Variants in MACF1 observed in about 807,000 individuals in gnomAD.
MACF1 encodes the protein microtubule-actin cross-linking factor 1.
Under a neutral mutation model 854.8 loss-of-function variants are expected in MACF1, and 193 were observed. That is an observed-to-expected ratio of 0.23 (90% CI 0.20 to 0.25). The LOEUF is 0.25. Ranked by LOEUF, MACF1 falls within the 10% of genes least tolerant of loss-of-function variation. The probability of loss-of-function intolerance (pLI) is 1.00; values close to 1 mark genes in which losing one functional copy is unlikely to be tolerated. For missense variants in MACF1, 7,722 were observed against 8,929.1 expected (o/e 0.86, Z 5.45); for synonymous variants, 3,185 against 3,226.7 (o/e 0.99, Z 0.44).
At chr1:39,402,193 A>G (rs1271421160) in intron 58 of MACF1, among the ~76,000 whole-genome samples, 1 of 152,226 alleles carries the variant, frequency 6.6e-6, no homozygotes, top group African/African-American at 2.4e-5. Flanking sequence ...CCTGGGTGAC[A>G]GAGTGAGACT....
intron 2 of MACF1, among the ~76,000 whole-genome samples, chr1:39,168,287 G>C (rs186400040): frequency 6.6e-6 from 1 of 152,194 alleles, no homozygotes; most frequent in Non-Finnish European, 1.5e-5. Context: ...ATCCCTGCCT[G>C]TTTAAAATAT....
At chr1:39,463,765 A>G (rs973943855) in intron 94 of MACF1, 79 bp downstream of exon 94, 3 of 1,245,682 alleles carry the variant, frequency 2.4e-6, no homozygotes, top group Non-Finnish European at 3.5e-6. Context: ...CCTGATGCTT[A>G]GAGGCCCAGA....
chr1:39,273,130 A>C (rs1157524609), intron 6 of MACF1, among the ~76,000 whole-genome samples: 2 of 139,266 alleles, frequency 1.4e-5, no homozygotes, highest in African/African-American at 2.7e-5. Context: ...CCTCTATACC[A>C]ATTTTTTTTT....
chr1:39,260,227 C>T (rs1185648306), intron 6 of MACF1, among the ~76,000 whole-genome samples: 1 of 152,178 alleles, frequency 6.6e-6, no homozygotes, highest in African/African-American at 2.4e-5. Context: ...ATTTCTTGTG[C>T]GATGAGGTAT....
intron 59 of MACF1, 41 bp from the exon 60 acceptor site, chr1:39,422,689 T>C (rs770975975): frequency 1.3e-6 from 2 of 1,592,140 alleles, no homozygotes; most frequent in Non-Finnish European, 1.7e-6. Context: ...TGAAAACTAC[T>C]TTCTCCGTTC....
intron 2 of MACF1, among the ~76,000 whole-genome samples, chr1:39,123,814 C>T (rs1375898594): frequency 1.4e-5 from 2 of 147,566 alleles, no homozygotes; most frequent in Non-Finnish European, 3.0e-5. Context: ...ACCTCTGCCT[C>T]CTGGGTTCAA....
At chr1:39,267,150 A>G (rs1557552855) in intron 6 of MACF1, among the ~76,000 whole-genome samples, 1 of 152,242 alleles carries the variant, frequency 6.6e-6, no homozygotes, top group Admixed American at 6.5e-5. Flanking sequence ...AAAGTCTTAA[A>G]GTTAACAGAA....
intron 2 of MACF1, among the ~76,000 whole-genome samples, chr1:39,235,488 AGTT>A (rs1557535199): frequency 6.6e-6 from 1 of 152,240 alleles, no homozygotes; most frequent in Non-Finnish European, 1.5e-5. Flanking sequence ...TCATGTAGCC[AGTT>A]GTTCAAGTTA....
chr1:39,400,910 T>C (rs915224244), intron 58 of MACF1, among the ~76,000 whole-genome samples: 1 of 152,136 alleles, frequency 6.6e-6, no homozygotes, highest in Non-Finnish European at 1.5e-5. Context: ...ATTTTCTTCT[T>C]GAAAATTGGA....
chr1:39,313,042 C>T (rs1646333582), intron 26 of MACF1, among the ~76,000 whole-genome samples: 1 of 152,136 alleles, frequency 6.6e-6, no homozygotes, highest in South Asian at 2.1e-4. Flanking sequence ...AATAGTTTCT[C>T]AACTTTCCAT....
At chr1:39,320,101 A>G (rs1646485905) in intron 31 of MACF1, among the ~76,000 whole-genome samples, 1 of 152,194 alleles carries the variant, frequency 6.6e-6, no homozygotes, top group African/African-American at 2.4e-5. Flanking sequence ...TGAGGCAAAA[A>G]ACCCAGGAGT....
chr1:39,386,335 A>T (rs1229514981), intron 57 of MACF1, among the ~76,000 whole-genome samples: 1 of 150,856 alleles, frequency 6.6e-6, no homozygotes, highest in Non-Finnish European at 1.5e-5. Flanking sequence ...ATCATGGCTC[A>T]CTGCACCCTC....
chr1:39,465,574 G>T (rs1302784530), intron 95 of MACF1, among the ~76,000 whole-genome samples: 1 of 152,218 alleles, frequency 6.6e-6, no homozygotes, highest in African/African-American at 2.4e-5. Flanking sequence ...TATCTGAGAA[G>T]TGTAGTGTGG....
chr1:39,325,495 T>C (rs1194921080), intron 35 of MACF1, among the ~76,000 whole-genome samples: 1 of 152,114 alleles, frequency 6.6e-6, no homozygotes, highest in Non-Finnish European at 1.5e-5. Context: ...AGTCAATATT[T>C]AAAAATGAAA....
rs745911739 is a variant in MACF1 at position 39,332,147 on chromosome 1, G to T, written c.5559G>T (p.Trp1853Cys). ...ESLWSFMGLL[W>C]PESGEILPIT... The stretch of plus-strand genomic sequence containing the variant: ...TCTGGTCATTCATGGGGTTGCTGTG[G>T]CCTGAATCTGGAGAGATCCTCCCAA... Residue 1853 changes from tryptophan to cysteine, a missense_variant, in exon 37 of 101, where the codon TGG becomes TGT. Coordinates refer to ENST00000564288, the MANE Select transcript of MACF1 (RefSeq NM_001394062.1). 1 of 1,614,078 alleles carries T rather than the reference G, an allele frequency of 6.2e-7. No homozygotes were observed. The highest frequency in any genetic ancestry group is 1.1e-5 in the South Asian group (1 of 91,062).
intron 2 of MACF1, among the ~76,000 whole-genome samples, chr1:39,197,064 G>T (rs550318675): frequency 4.6e-4 from 70 of 152,090 alleles, no homozygotes; most frequent in Non-Finnish European, 7.9e-4. Context: ...TATGATAAAT[G>T]ATCTCTTAAA....
chr1:39,380,587 TC>T (rs1650094378), intron 55 of MACF1, among the ~76,000 whole-genome samples: 2 of 152,226 alleles, frequency 1.3e-5, no homozygotes, highest in South Asian at 4.1e-4. Flanking sequence ...CTTGGGCAAG[TC>T]AAACTGGTAA....
At chr1:39,374,132 C>T (rs374944304) in intron 52 of MACF1, among the ~76,000 whole-genome samples, 1 of 150,126 alleles carries the variant, frequency 6.7e-6, no homozygotes. Flanking sequence ...ATCCTAGCTA[C>T]TCAGGAGGCT....
intron 58 of MACF1, among the ~76,000 whole-genome samples, chr1:39,400,498 T>TTTTG (rs982179795): frequency 4.6e-5 from 7 of 151,922 alleles, no homozygotes; most frequent in South Asian, 4.2e-4. Context: ...TTTTTTCATT[T>TTTTG]TTTGTTTGTT....
Sources: allele counts gnomAD v4.1 joint callset (sites outside exome capture counted in the v4.1 genomes callset), GRCh38; gene constraint gnomAD v4.1.1; transcripts MANE v1.5; gene names NCBI Gene and HGNC (gene_info 2026-07-23, HGNC 2026-07-21).